TMEM260: variants seen among roughly 807,000 people sequenced by gnomAD.
TMEM260 encodes the protein transmembrane protein 260, also known as protein O-mannosyl-transferase TMEM260.
TMEM260 carries 82 observed loss-of-function variants against 88.9 expected under a neutral mutation model. That is an observed-to-expected ratio of 0.92 (90% CI 0.77 to 1.11). TMEM260 has a LOEUF of 1.11. Among genes scored for constraint, TMEM260 ranks in the 50% least tolerant of loss-of-function variants. TMEM260 has a pLI of 0.00. For synonymous variants in TMEM260, 314 were observed against 309.3 expected (o/e 1.02, Z -0.16); for missense variants, 902 against 853.4 (o/e 1.06, Z -0.71).
chr14:56,642,149 G>A (rs55980522), intron 15 of TMEM260, among the ~76,000 whole-genome samples: 23 of 152,184 alleles, frequency 1.5e-4, no homozygotes, highest in South Asian at 4.1e-4. Context: ...AGCTCTGCAC[G>A]AAGCGGACCT....
chr14:56,589,580 C>T (rs1187757635), intron 3 of TMEM260, among the ~76,000 whole-genome samples: 3 of 151,894 alleles, frequency 2.0e-5, no homozygotes, highest in Admixed American at 1.3e-4. Flanking sequence ...GCTCTCTTAA[C>T]GTCAAGTAGA....
At chr14:56,618,420 A>C (rs17091811) in intron 9 of TMEM260, among the ~76,000 whole-genome samples, 174 bp from the exon 10 acceptor site, 1,694 of 152,346 alleles carry the variant, frequency 0.011, 39 homozygotes, top group African/African-American at 0.038. Flanking sequence ...AGAATGTTTG[A>C]AAATAGAAAA....
intron 1 of TMEM260, among the ~76,000 whole-genome samples, chr14:56,582,819 T>A (rs1237413636): frequency 1.3e-5 from 2 of 152,226 alleles, no homozygotes; most frequent in Non-Finnish European, 2.9e-5. Flanking sequence ...AGAGTAGTAT[T>A]TCCCTTTAGA....
intron 14 of TMEM260, among the ~76,000 whole-genome samples, chr14:56,636,291 A>C (rs930429494): frequency 2.6e-5 from 4 of 152,048 alleles, no homozygotes; most frequent in Admixed American, 1.3e-4. Context: ...TTTTTTCTAA[A>C]ATATTTGGTC....
At chr14:56,662,409 C>T in the TMEM260 span, among the ~76,000 whole-genome samples, 1 of 152,172 alleles carries the variant, frequency 6.6e-6, no homozygotes, top group African/African-American at 2.4e-5. Context: ...ACCAACAGAA[C>T]TGCGGCCTTT....
chr14:56,661,097 C>G, the TMEM260 span, among the ~76,000 whole-genome samples: 1 of 152,206 alleles, frequency 6.6e-6, no homozygotes, highest in Non-Finnish European at 1.5e-5. Context: ...GCACCAGCCT[C>G]CCTCCCACTA....
intron 14 of TMEM260, among the ~76,000 whole-genome samples, chr14:56,635,807 A>C (rs1290798784): frequency 6.6e-6 from 1 of 152,024 alleles, no homozygotes. Context: ...GTTTTTAAAG[A>C]GTGGTCAAGA....
chr14:56,607,712 GTA>G (rs113323366), intron 5 of TMEM260, among the ~76,000 whole-genome samples: 6 of 151,908 alleles, frequency 3.9e-5, no homozygotes, highest in African/African-American at 1.5e-4. Context: ...GTGTGTGTGT[GTA>G]TATATATATG....
At chr14:56,639,625 C>T (rs1258344831) in intron 15 of TMEM260, among the ~76,000 whole-genome samples, 1 of 152,184 alleles carries the variant, frequency 6.6e-6, no homozygotes, top group African/African-American at 2.4e-5. Context: ...GGGTTCATCT[C>T]ACTGGGGAGT....
chr14:56,633,257 A>G, intron 13 of TMEM260, 86 bp downstream of exon 13: 2 of 1,147,214 alleles, frequency 1.7e-6, no homozygotes, highest in Non-Finnish European at 2.4e-6. Flanking sequence ...GATGCCTTCT[A>G]ATTTTTTTTT....
chr14:56,621,878 TTAAC>T (rs1566558339), intron 11 of TMEM260, among the ~76,000 whole-genome samples, 176 bp downstream of exon 11: 1 of 152,194 alleles, frequency 6.6e-6, no homozygotes, highest in Non-Finnish European at 1.5e-5. Flanking sequence ...TTTTTTTATT[TTAAC>T]TAATAGTGTA....
intron 3 of TMEM260, among the ~76,000 whole-genome samples, chr14:56,586,579 G>A (rs558937595): frequency 3.6e-4 from 55 of 152,212 alleles, no homozygotes; most frequent in Middle Eastern, 6.8e-3. Flanking sequence ...TTAACTCAGT[G>A]CATCCTATAC....
chr14:56,589,036 T>G (rs1449984274), intron 3 of TMEM260, among the ~76,000 whole-genome samples: 1 of 152,112 alleles, frequency 6.6e-6, no homozygotes. Flanking sequence ...TATTTAATGC[T>G]TGAATTTCAA....
chr14:56,586,526 A>G (rs1171450474), intron 3 of TMEM260, among the ~76,000 whole-genome samples: 2 of 152,110 alleles, frequency 1.3e-5, no homozygotes, highest in Non-Finnish European at 2.9e-5. Context: ...TTAGTTTAGA[A>G]TGCTGGTAAC....
intron 2 of TMEM260, 109 bp downstream of exon 2, chr14:56,585,141 G>T (rs552244537): frequency 3.0e-6 from 3 of 989,344 alleles, no homozygotes; most frequent in East Asian, 2.5e-5. Flanking sequence ...TCAAACCCCC[G>T]TTTTTAGTAA....
downstream of TMEM260, among the ~76,000 whole-genome samples, chr14:56,654,517 T>C (rs572909707): frequency 6.6e-6 from 1 of 152,136 alleles, no homozygotes; most frequent in East Asian, 1.9e-4. Flanking sequence ...TCAGCCACTT[T>C]TTAAAAAATA....
rs2139575512 is a variant in TMEM260 at position 56,612,249 on chromosome 14, A to G, written c.821A>G (p.Lys274Arg). The G allele has an allele frequency of 1.2e-6, 2 of 1,613,660 alleles. No homozygotes were observed. The highest frequency in any genetic ancestry group is 1.3e-5 in the African/African-American group (1 of 75,036). The change falls in exon 7 of 16, where the codon AAA (lysine) becomes AGA (arginine). Residue 274 changes from lysine to arginine, a missense_variant. Transcript: ENST00000261556. Reference sequence around the variant, plus strand: ...ACTTTTGTCTTTTGTGTTTAGGCCAAATCTGAAATAGGATCCAGTATGTCT... The same window carrying G: ...ACTTTTGTCTTTTGTGTTTAGGCCAGATCTGAAATAGGATCCAGTATGTCT... ...REEYGTFSLA[K>R]SEIGSSMSEI...
rs747172828 is a variant in TMEM260, at chr14:56,609,110, T to A, written c.641T>A (p.Leu214His). Residue 214 changes from leucine to histidine, a missense_variant, in exon 6 of 16, where the codon CTC becomes CAC. Leu to His is a moderately conservative substitution (Grantham distance 99, BLOSUM62 -3). Transcript: ENST00000261556. Reference protein sequence around the residue: ...ILFQLLKKKELSLGSLLKLSL... With the variant: ...ILFQLLKKKEHSLGSLLKLSL... ...ACCCAATGTGCTCTGATGCAGGAACTCTCCCTGGGCTCTTTGTTGAAGTTG... is the reference window on the plus strand; with the variant it reads ...ACCCAATGTGCTCTGATGCAGGAACACTCCCTGGGCTCTTTGTTGAAGTTG... The A allele has an allele frequency of 3.2e-5, 52 of 1,613,704 alleles. No homozygotes were observed. The highest frequency in any genetic ancestry group is 2.7e-4 in the South Asian group (25 of 91,006).
intron 15 of TMEM260, among the ~76,000 whole-genome samples, chr14:56,640,019 A>G (rs986893012): frequency 2.4e-4 from 36 of 152,342 alleles, no homozygotes; most frequent in African/African-American, 7.7e-4. Flanking sequence ...CCACAGCTCA[A>G]GGAGGCCTGC....
Sources: allele counts gnomAD v4.1 joint callset (sites outside exome capture counted in the v4.1 genomes callset), GRCh38; gene constraint gnomAD v4.1.1; transcripts MANE v1.5; gene names NCBI Gene and HGNC (gene_info 2026-07-23, HGNC 2026-07-21).